The following DCHS2 variants were observed in gnomAD, a reference collection of about 807,000 sequenced individuals.
The protein encoded by DCHS2 is protocadherin-23.
Under a neutral mutation model 182.4 loss-of-function variants are expected in DCHS2, and 142 were observed. The ratio of observed to expected loss-of-function variants is 0.78; its 90% CI spans 0.68 to 0.89. DCHS2 has a LOEUF of 0.89. Ranked by LOEUF, DCHS2 falls within the 40% of genes least tolerant of loss-of-function variation. The pLI, the probability that DCHS2 is intolerant of heterozygous loss-of-function variation, is 0.00. For missense variants in DCHS2, 4,319 were observed against 4,198.6 expected, an observed-to-expected ratio of 1.03 and a Z score of -0.79; for synonymous variants, 1,740 against 1,663.3, an observed-to-expected ratio of 1.05 and a Z score of -1.12.
Position 154,489,980 on chromosome 4 carries a change from C to G in DCHS2, c.1376G>C (p.Gly459Ala). The change falls in exon 1 of 20, where the codon GGT becomes GCT. Residue 459 changes from glycine (G) to alanine (A), a missense_variant. Gly to Ala is a moderately conservative substitution (Grantham distance 60). Transcript: ENST00000357232. ...GATGCTCCCGTCTCCAAGACCCACA[C>G]CAAGCTCCCCTGTGGCCTCATCTTC... Reference protein sequence around the residue: ...EKEDEATGELGVGLGDGSISL... With the variant: ...EKEDEATGELAVGLGDGSISL... 3 of 1,549,520 alleles carry G rather than the reference C, an allele frequency of 1.9e-6. No individual in the cohort carries two copies. The highest frequency in any genetic ancestry group is 8.7e-7 in the Non-Finnish European group (1 of 1,146,152).
chr4:154,391,240 T>C, intron 1 of DCHS2: 3 of 1,613,234 alleles, frequency 1.9e-6, no homozygotes, highest in African/African-American at 2.7e-5. Flanking sequence ...AACTGCTGAG[T>C]AAACATCTTC....
intron 3 of DCHS2, chr4:154,357,219 T>A (rs781450745): frequency 6.2e-7 from 1 of 1,603,562 alleles, no homozygotes; most frequent in Non-Finnish European, 8.5e-7. Flanking sequence ...TAACCTCTAC[T>A]TGAAGTGCCT....
chr4:154,310,556 C>A (rs962716837), intron 10 of DCHS2, among the ~76,000 whole-genome samples: 1 of 152,184 alleles, frequency 6.6e-6, no homozygotes, highest in Admixed American at 6.5e-5. Flanking sequence ...GAGGACCCTA[C>A]CTTCATAAGT....
intron 1 of DCHS2, chr4:154,486,487 T>G: frequency 7.7e-7 from 1 of 1,304,834 alleles, no homozygotes. Context: ...TGTTTTTGTT[T>G]GATTTTGACA....
intron 2 of DCHS2, chr4:154,373,893 A>C: frequency 1.3e-6 from 2 of 1,578,340 alleles, no homozygotes; most frequent in Non-Finnish European, 1.7e-6. Context: ...TAAAAGACTC[A>C]GATTATAGAA....
Position 154,234,290 on chromosome 4 carries a change from T to C in DCHS2, c.*246A>G, listed in dbSNP as rs529698695. 1 of 420,768 alleles carries C rather than the reference T, an allele frequency of 2.4e-6. No homozygotes were observed. The highest frequency in any genetic ancestry group is 4.2e-5 in the East Asian group (1 of 24,030). 26.1% of individuals were successfully genotyped at this position (420,768 alleles called of 1,614,324 possible). A position where few individuals can be genotyped will look rare whatever the true frequency, so the allele number is the denominator to read the frequency against. The stretch of plus-strand genomic sequence containing the variant: ...TACAGACAACAGGTCTGACAGAATA[T>C]ACACTACTTAATATATACAAATGTG... On this transcript the variant is annotated 3_prime_UTR_variant, in exon 20 of 20. Coordinates refer to ENST00000357232, the MANE Select transcript of DCHS2 (RefSeq NM_001358235.2).
At chr4:154,405,867 T>A (rs1024702976) in intron 1 of DCHS2, among the ~76,000 whole-genome samples, 2 of 152,234 alleles carry the variant, frequency 1.3e-5, no homozygotes, top group Non-Finnish European at 1.5e-5. Context: ...GTTTTTTTTA[T>A]TGTATGCTGA....
At chr4:154,342,568 A>G (rs1729157489) in intron 3 of DCHS2, among the ~76,000 whole-genome samples, 1 of 152,346 alleles carries the variant, frequency 6.6e-6, no homozygotes, top group East Asian at 1.9e-4. Flanking sequence ...CAATGTTCAC[A>G]TCTTCCCCAG....
At chr4:154,452,704 T>C (rs1489832690) in intron 1 of DCHS2, among the ~76,000 whole-genome samples, 1 of 152,054 alleles carries the variant, frequency 6.6e-6, no homozygotes, top group Non-Finnish European at 1.5e-5. Context: ...ATGTGAAAAA[T>C]CTAAATCCAT....
At chr4:154,396,522 A>C (rs779446290) in intron 1 of DCHS2, among the ~76,000 whole-genome samples, 1 of 152,174 alleles carries the variant, frequency 6.6e-6, no homozygotes, top group Non-Finnish European at 1.5e-5. Context: ...AAAATCTCTT[A>C]ACTGGCTCTG....
intron 1 of DCHS2, among the ~76,000 whole-genome samples, chr4:154,380,552 C>T (rs1731123293): frequency 6.6e-6 from 1 of 152,118 alleles, no homozygotes; most frequent in Middle Eastern, 3.2e-3. Flanking sequence ...CATTCTTAGC[C>T]TTTAATAGTA....
At chr4:154,453,606 CT>C (rs1406608532) in intron 1 of DCHS2, among the ~76,000 whole-genome samples, 1 of 152,138 alleles carries the variant, frequency 6.6e-6, no homozygotes, top group East Asian at 1.9e-4. Context: ...AGAGGACCCC[CT>C]GGTCTAACCA....
At position 154,476,433 on chromosome 4, in the gene DCHS2, T is replaced by C. The variant is rs563281743; in HGVS notation, c.2052+12871A>G. ...ATTACAACACAAAAAGGGTATTAAT[T>C]GTCTTACTGTTGTGTAATGTTTATG... On this transcript the variant is annotated intron_variant, in intron 1 of 19. Coordinates refer to ENST00000357232, the MANE Select transcript of DCHS2 (RefSeq NM_001358235.2). Among the ~76,000 whole-genome samples the C allele has an allele frequency of 3.6e-4, 55 of 152,352 alleles. 1 individual carries two copies. The South Asian group carries it at 0.011, about 30-fold the overall frequency.
At position 154,315,889 on chromosome 4, in the gene DCHS2, A is replaced by G; in HGVS notation, c.5119T>C (p.Ser1707Pro). The G allele has an allele frequency of 6.2e-7, 1 of 1,614,022 alleles. No homozygotes were observed. Among genetic ancestry groups the G allele is most frequent in the Non-Finnish European group, 8.5e-7 (1 of 1,179,988 alleles). The change falls in exon 10 of 20, where the codon TCC becomes CCC. Residue 1707 changes from serine (S) to proline (P), a missense_variant. Transcript: ENST00000357232. ...LDDGTPALSS[S>P]QTLTVTVLDV... Reference sequence around the variant, plus strand: ...AGAACAGTAACTGTCAAAGTCTGGGATGAAGAAAGTGCTGGTGTGCCATCA... The same window carrying G: ...AGAACAGTAACTGTCAAAGTCTGGGGTGAAGAAAGTGCTGGTGTGCCATCA...
At chr4:154,438,169 C>G (rs1283552662) in intron 1 of DCHS2, among the ~76,000 whole-genome samples, 1 of 152,228 alleles carries the variant, frequency 6.6e-6, no homozygotes, top group African/African-American at 2.4e-5. Flanking sequence ...TGGTCATCCT[C>G]TGCCTGCCCT....
rs148940204 is a variant in DCHS2, at chr4:154,459,599, C to CCT, written c.2052+29703_2052+29704dup. 3.9e-3 allele frequency among the ~76,000 whole-genome samples: 598 copies of CCT among 152,190 alleles called. 4 individuals are homozygous for CCT. Among genetic ancestry groups the CCT allele is most frequent in the Non-Finnish European group, 6.6e-3 (450 of 68,008 alleles). On this transcript the variant is annotated intron_variant, in intron 1 of 19. Coordinates refer to ENST00000357232, the MANE Select transcript of DCHS2 (RefSeq NM_001358235.2). ...TTCCCAGGAATGACCCTGCAGGCTA[C>CCT]CTCTCTCAGGCACCCCTGCGAAGTG...
chr4:154,355,735 T>C (rs1729830900), intron 3 of DCHS2: 1 of 152,144 alleles, frequency 6.6e-6, no homozygotes, highest in Non-Finnish European at 1.5e-5. Flanking sequence ...AAGATTATAA[T>C]GGAGCTAAAA....
At chr4:154,313,387 T>C (rs931852487) in intron 10 of DCHS2, among the ~76,000 whole-genome samples, 4 of 152,176 alleles carry the variant, frequency 2.6e-5, no homozygotes, top group Non-Finnish European at 5.9e-5. Context: ...CTCAAATCCC[T>C]GTGGGCTTTG....
chr4:154,490,398 C>T lies in DCHS2; in HGVS notation c.958G>A (p.Ala320Thr). The T allele has an allele frequency of 6.5e-7, 1 of 1,532,984 alleles. No homozygotes were observed. Among genetic ancestry groups the T allele is most frequent in the Non-Finnish European group, 8.7e-7 (1 of 1,144,440 alleles). 95.0% of individuals were successfully genotyped at this position (1,532,984 alleles called of 1,614,324 possible). A position where few individuals can be genotyped will look rare whatever the true frequency, so the allele number is the denominator to read the frequency against. Reference sequence around the variant, plus strand: ...TTGGGCCCCAGGTCGCGGTCGGTGGCGCGCACGCGACAGACCTCGGCGCCC... The same window carrying T: ...TTGGGCCCCAGGTCGCGGTCGGTGGTGCGCACGCGACAGACCTCGGCGCCC... ...QPGAEVCRVR[A>T]TDRDLGPNGF... The change falls in exon 1 of 20, where the codon GCC (alanine) becomes ACC (threonine). Residue 320 changes from alanine (A) to threonine (T), a missense_variant. Physicochemically the swap from Ala to Thr is moderately conservative, Grantham distance 58 (BLOSUM62 0). Coordinates refer to ENST00000357232, the MANE Select transcript of DCHS2 (RefSeq NM_001358235.2).
Sources: allele counts gnomAD v4.1 joint callset (sites outside exome capture counted in the v4.1 genomes callset), GRCh38; gene constraint gnomAD v4.1.1; transcripts MANE v1.5; gene names NCBI Gene and HGNC (gene_info 2026-07-23, HGNC 2026-07-21).